Variants in B4GALT5 observed in about 807,000 individuals in gnomAD.
B4GALT5 encodes beta-1,4-galactosyltransferase 5.
B4GALT5 carries 11 observed loss-of-function variants against 45.0 expected under a neutral mutation model. The ratio of observed to expected loss-of-function variants is 0.24; its 90% confidence interval spans 0.15 to 0.40. The LOEUF (loss-of-function observed/expected upper bound fraction) is 0.40. Among genes scored for constraint, B4GALT5 ranks in the 10% least tolerant of loss-of-function variants. B4GALT5 has a pLI of 1.00. For synonymous variants in B4GALT5, 185 were observed against 182.9 expected, an observed-to-expected ratio of 1.01 and a Z score of -0.09; for missense variants, 337 against 500.2, an observed-to-expected ratio of 0.67 and a Z score of 3.11.
intron 1 of B4GALT5, among the ~76,000 whole-genome samples, chr20:49,710,469 G>C (rs1363709057): frequency 6.7e-6 from 1 of 148,710 alleles, no homozygotes; most frequent in Non-Finnish European, 1.5e-5. Flanking sequence ...ACCCAGGCTG[G>C]AGTGCAATGG....
At chr20:49,673,492 A>G (rs1411904700) in intron 1 of B4GALT5, among the ~76,000 whole-genome samples, 3 of 152,226 alleles carry the variant, frequency 2.0e-5, no homozygotes, top group Non-Finnish European at 4.4e-5. Flanking sequence ...AGTTACTACA[A>G]TGAGCAGTGG....
At chr20:49,674,361 A>G (rs2085728816) in intron 1 of B4GALT5, among the ~76,000 whole-genome samples, 1 of 152,094 alleles carries the variant, frequency 6.6e-6, no homozygotes, top group Admixed American at 6.6e-5. Context: ...AGAGGGAATA[A>G]AGACCCTAGC....
chr20:49,701,042 A>T (rs978711444), intron 1 of B4GALT5, among the ~76,000 whole-genome samples: 7 of 152,208 alleles, frequency 4.6e-5, no homozygotes, highest in African/African-American at 1.7e-4. Context: ...AAAACTAAAA[A>T]TTTACTAAAG....
intron 1 of B4GALT5, among the ~76,000 whole-genome samples, chr20:49,700,332 T>TA (rs1371790000): frequency 6.6e-6 from 1 of 152,244 alleles, no homozygotes; most frequent in Admixed American, 6.5e-5. Context: ...TAAGTAAAGT[T>TA]AATTTTTCTG....
At chr20:49,682,946 T>C (rs1449048325) in intron 1 of B4GALT5, among the ~76,000 whole-genome samples, 1 of 151,906 alleles carries the variant, frequency 6.6e-6, no homozygotes. Flanking sequence ...AAAAAAATAT[T>C]AGCCCGGCAT....
Position 49,692,184 on chromosome 20 carries a change from G to A in B4GALT5, c.115+21392C>T, listed in dbSNP as rs199522378. ...TTTTTTAATGTATTCACTGTAGTGT[G>A]CCTTATAAAAACAATAGGTATGTTG... On this transcript the variant is annotated intron_variant, in intron 1 of 8. Coordinates refer to ENST00000371711, the MANE Select transcript of B4GALT5 (RefSeq NM_004776.4). Among the ~76,000 whole-genome samples the A allele has an allele frequency of 7.9e-5, 12 of 151,634 alleles. No individual in the cohort carries two copies. In the East Asian group the frequency reaches 2.1e-3, roughly 27 times the overall value.
In B4GALT5 at chr20:49,644,092, T is replaced by A. The variant is rs1162754508; in HGVS notation, c.365-442A>T. Reference sequence around the variant, plus strand: ...ACAGGCATATGCCACCACACCCAGCTAATTTTGTATTTTTAGTAGAGATGA... The same window carrying A: ...ACAGGCATATGCCACCACACCCAGCAAATTTTGTATTTTTAGTAGAGATGA... On this transcript the variant is annotated intron_variant, in intron 3 of 8. Transcript: ENST00000371711. 2.0e-5 allele frequency among the ~76,000 whole-genome samples: 3 copies of A among 152,142 alleles called. No individual in the cohort carries two copies. The East Asian group carries it at 5.8e-4, about 29-fold the overall frequency.
chr20:49,674,062 C>A lies in B4GALT5; in HGVS notation c.116-17360G>T, dbSNP rs1477970510. The stretch of plus-strand genomic sequence containing the variant: ...ACCATCCTGGCTAACACAGTGAAAT[C>A]CCATCTCTATTAAAAATACAAAAAA... On this transcript the variant is annotated intron_variant, in intron 1 of 8. Transcript: ENST00000371711. Among the ~76,000 whole-genome samples the A allele has an allele frequency of 8.0e-5, 10 of 125,016 alleles. No homozygotes were observed. In the East Asian group the frequency reaches 2.1e-3, roughly 27 times the overall value. 82.0% of individuals were successfully genotyped at this position (125,016 alleles called of 152,430 possible).
chr20:49,692,890 T>C (rs1044733555), intron 1 of B4GALT5, among the ~76,000 whole-genome samples: 2 of 152,244 alleles, frequency 1.3e-5, no homozygotes, highest in African/African-American at 2.4e-5. Flanking sequence ...ATGTGCCGCA[T>C]AATGACGTTT....
At chr20:49,663,690 A>AAAAAAATATATATAT (rs1555812124) in intron 1 of B4GALT5, among the ~76,000 whole-genome samples, 1 of 96,962 alleles carries the variant, frequency 1.0e-5, no homozygotes, top group African/African-American at 4.5e-5. Flanking sequence ...AAAAAAAAAA[A>AAAAAAATATATATAT]ATATATACAT....
At chr20:49,685,555 G>A (rs2085781759) in intron 1 of B4GALT5, among the ~76,000 whole-genome samples, 1 of 152,072 alleles carries the variant, frequency 6.6e-6, no homozygotes. Context: ...ATCCAAGCCT[G>A]GATCCCAGTG....
chr20:49,642,652 C>G (rs372290586), intron 4 of B4GALT5, 68 bp from the exon 5 acceptor site: 18 of 1,109,470 alleles, frequency 1.6e-5, no homozygotes, highest in Non-Finnish European at 2.3e-5. Flanking sequence ...CAGGACACCC[C>G]TGATGAATTG....
chr20:49,709,239 C>T (rs62207735), intron 1 of B4GALT5, among the ~76,000 whole-genome samples: 16,337 of 151,954 alleles, frequency 0.11, 993 homozygotes, highest in Admixed American at 0.14. Flanking sequence ...TTCTGCAGAA[C>T]CCTGAAGGGA....
chr20:49,658,136 AC>A (rs918974798), intron 1 of B4GALT5, among the ~76,000 whole-genome samples: 20 of 152,318 alleles, frequency 1.3e-4, no homozygotes, highest in Admixed American at 1.2e-3. Flanking sequence ...AACTTCTGGC[AC>A]CGTCGGAGAA....
At chr20:49,664,562 C>G (rs2085680920) in intron 1 of B4GALT5, among the ~76,000 whole-genome samples, 1 of 151,456 alleles carries the variant, frequency 6.6e-6, no homozygotes, top group Admixed American at 6.6e-5. Context: ...AGATTAGAGA[C>G]ATAACTAAAC....
At chr20:49,646,859 G>T in intron 3 of B4GALT5, 106 bp downstream of exon 3, 1 of 662,572 alleles carries the variant, frequency 1.5e-6, no homozygotes, top group Non-Finnish European at 2.5e-6. Flanking sequence ...GTTTCCAATG[G>T]CAGGGAGGTA....
intron 1 of B4GALT5, among the ~76,000 whole-genome samples, chr20:49,665,441 T>A (rs903776759): frequency 9.4e-5 from 2 of 21,372 alleles, no homozygotes; most frequent in African/African-American, 2.7e-4. Context: ...GGGGTAGTAG[T>A]AATAATAATA....
intron 4 of B4GALT5, 28 bp downstream of exon 4, chr20:49,643,498 G>GC (rs1568715705): frequency 6.2e-7 from 1 of 1,612,502 alleles, no homozygotes; most frequent in Middle Eastern, 1.7e-4. Flanking sequence ...GGGCTTCTCA[G>GC]CATTTTGGCT....
At chr20:49,657,952 G>C (rs1039433206) in intron 1 of B4GALT5, among the ~76,000 whole-genome samples, 2 of 152,120 alleles carry the variant, frequency 1.3e-5, no homozygotes, top group African/African-American at 4.8e-5. Context: ...AACCCCACGT[G>C]GCCAACATTA....
Sources: gnomAD v4.1 joint callset for allele counts (sites outside exome capture counted in the v4.1 genomes callset) on GRCh38, gnomAD v4.1.1 for gene constraint, MANE v1.5 for transcripts, NCBI Gene and HGNC (gene_info 2026-07-23, HGNC 2026-07-21) for gene names.